The following TMEM178A variants were observed in gnomAD, a reference collection of about 807,000 sequenced individuals.
The protein encoded by TMEM178A is transmembrane protein 178A, also known as transmembrane protein 178.
TMEM178A carries 12 observed loss-of-function variants against 29.1 expected under a neutral mutation model. The observed-to-expected ratio is 0.41, with a 90% confidence interval of 0.26 to 0.67. The LOEUF (loss-of-function observed/expected upper bound fraction) is 0.67, where lower values mean the gene tolerates loss of function less well. TMEM178A is among the 30% of genes least tolerant of loss of function. The probability of loss-of-function intolerance (pLI) is 0.29; values close to 1 mark genes in which losing one functional copy is unlikely to be tolerated. For missense variants in TMEM178A, 366 were observed against 419.1 expected, an observed-to-expected ratio of 0.87 and a Z score of 1.11; for synonymous variants, 210 against 187.2, an observed-to-expected ratio of 1.12 and a Z score of -0.99.
At chr2:39,724,809 C>G in the TMEM178A span, among the ~76,000 whole-genome samples, 1 of 152,122 alleles carries the variant, frequency 6.6e-6, no homozygotes, top group Non-Finnish European at 1.5e-5. Flanking sequence ...GTTCACCTCC[C>G]CAGCAAAAAA....
At chr2:39,684,133 T>C (rs559474893) in intron 1 of TMEM178A, among the ~76,000 whole-genome samples, 2 of 152,338 alleles carry the variant, frequency 1.3e-5, no homozygotes, top group South Asian at 2.1e-4. Flanking sequence ...TTTGCTTCCA[T>C]GTTTTTATTT....
chr2:39,720,224 C>T (rs1456847932), downstream of TMEM178A, among the ~76,000 whole-genome samples: 2 of 152,056 alleles, frequency 1.3e-5, no homozygotes, highest in Non-Finnish European at 1.5e-5. Flanking sequence ...TTGCAAGGGC[C>T]GGGTGGGGGG....
At chr2:39,683,365 C>G (rs564427346) in intron 1 of TMEM178A, among the ~76,000 whole-genome samples, 1 of 152,270 alleles carries the variant, frequency 6.6e-6, no homozygotes, top group East Asian at 1.9e-4. Context: ...CTAAGCTTTT[C>G]TGAAGTTTTA....
chr2:39,672,207 A>G (rs1670434266), intron 1 of TMEM178A, among the ~76,000 whole-genome samples: 1 of 152,234 alleles, frequency 6.6e-6, no homozygotes, highest in Non-Finnish European at 1.5e-5. Flanking sequence ...ACTTGCTTCC[A>G]TTCTTACTAT....
chr2:39,675,210 C>T (rs1670566001), intron 1 of TMEM178A, among the ~76,000 whole-genome samples: 1 of 152,080 alleles, frequency 6.6e-6, no homozygotes, highest in Non-Finnish European at 1.5e-5. Context: ...GGGCTTCATC[C>T]AGATCATGCA....
intron 1 of TMEM178A, among the ~76,000 whole-genome samples, chr2:39,671,647 A>G (rs1670411897): frequency 6.6e-6 from 1 of 152,212 alleles, no homozygotes; most frequent in Admixed American, 6.5e-5. Flanking sequence ...AATTATGTGC[A>G]TGGACTGTAC....
chr2:39,731,034 C>T, the TMEM178A span, among the ~76,000 whole-genome samples: 2 of 152,140 alleles, frequency 1.3e-5, no homozygotes, highest in African/African-American at 4.8e-5. Context: ...TATGGTGAGA[C>T]AAGAAATCCC....
At chr2:39,671,059 GA>G (rs1310922866) in intron 1 of TMEM178A, among the ~76,000 whole-genome samples, 1 of 152,202 alleles carries the variant, frequency 6.6e-6, no homozygotes, top group African/African-American at 2.4e-5. Flanking sequence ...AACTGGGTTT[GA>G]ATTCTTGAAA....
intron 2 of TMEM178A, among the ~76,000 whole-genome samples, chr2:39,706,354 G>T (rs1226869883): frequency 6.6e-6 from 1 of 152,220 alleles, no homozygotes; most frequent in African/African-American, 2.4e-5. Context: ...TGCTTTAGGG[G>T]AGAAGGCATT....
At chr2:39,677,575 TATC>T (rs1252411310) in intron 1 of TMEM178A, among the ~76,000 whole-genome samples, 1 of 152,128 alleles carries the variant, frequency 6.6e-6, no homozygotes, top group Non-Finnish European at 1.5e-5. Flanking sequence ...TTCTGTGAAG[TATC>T]ATCTGCTTTT....
intron 3 of TMEM178A, among the ~76,000 whole-genome samples, chr2:39,715,467 A>G (rs1558467117): frequency 6.6e-6 from 1 of 152,166 alleles, no homozygotes; most frequent in Non-Finnish European, 1.5e-5. Flanking sequence ...AAAGTGGAGT[A>G]TTCTTTTTTG....
intron 1 of TMEM178A, among the ~76,000 whole-genome samples, chr2:39,695,260 G>A (rs1332461102): frequency 1.3e-5 from 2 of 152,176 alleles, no homozygotes; most frequent in African/African-American, 2.4e-5. Context: ...AAATGGTGTA[G>A]CCTGTTGTTA....
chr2:39,668,538 G>A (rs1670276292), intron 1 of TMEM178A, among the ~76,000 whole-genome samples: 1 of 152,260 alleles, frequency 6.6e-6, no homozygotes. Flanking sequence ...GGTATTATTA[G>A]GAGGGATGAC....
the TMEM178A span, among the ~76,000 whole-genome samples, chr2:39,726,907 T>C: frequency 6.6e-6 from 1 of 152,166 alleles, no homozygotes; most frequent in Non-Finnish European, 1.5e-5. Context: ...CAATATTAAA[T>C]GATTGTGGCA....
At chr2:39,734,436 G>C in the TMEM178A span, among the ~76,000 whole-genome samples, 3 of 152,194 alleles carry the variant, frequency 2.0e-5, no homozygotes, top group Non-Finnish European at 2.9e-5. Context: ...GAGGAATTCA[G>C]GGCTCAGCCC....
intron 3 of TMEM178A, among the ~76,000 whole-genome samples, chr2:39,707,921 T>C (rs1288964423): frequency 6.6e-6 from 1 of 152,232 alleles, no homozygotes; most frequent in Non-Finnish European, 1.5e-5. Flanking sequence ...TTAGTGATGG[T>C]GTCATTTTTA....
downstream of TMEM178A, among the ~76,000 whole-genome samples, chr2:39,719,147 T>A (rs1224639773): frequency 6.6e-6 from 1 of 152,224 alleles, no homozygotes; most frequent in African/African-American, 2.4e-5. Context: ...CCTTTTAATA[T>A]ACTGGTCCCT....
chr2:39,667,888 A>T (rs1670240474), intron 1 of TMEM178A, among the ~76,000 whole-genome samples: 1 of 152,212 alleles, frequency 6.6e-6, no homozygotes. Flanking sequence ...ACATGAACAA[A>T]CTGTAAAAGC....
intron 1 of TMEM178A, among the ~76,000 whole-genome samples, chr2:39,681,167 T>A (rs560314509): frequency 6.8e-6 from 1 of 147,558 alleles, no homozygotes; most frequent in East Asian, 1.9e-4. Flanking sequence ...TAAACCTCTT[T>A]AGTCATACGT....
Sources: allele counts gnomAD v4.1 joint callset (sites outside exome capture counted in the v4.1 genomes callset), GRCh38; gene constraint gnomAD v4.1.1; transcripts MANE v1.5; gene names NCBI Gene and HGNC (gene_info 2026-07-23, HGNC 2026-07-21).